Variants in ADAMTS20 observed in about 807,000 individuals in gnomAD.
ADAMTS20 encodes the protein A disintegrin and metalloproteinase with thrombospondin motifs 20.
In ADAMTS20, 225 loss-of-function variants were observed where a neutral mutation model predicts 260.1. That is an observed-to-expected ratio of 0.87 (90% confidence interval 0.78 to 0.97). The LOEUF is 0.97. ADAMTS20 is among the 50% of genes least tolerant of loss of function. The probability of loss-of-function intolerance (pLI) is 0.00; values close to 1 mark genes in which losing one functional copy is unlikely to be tolerated. For synonymous variants in ADAMTS20, 802 were observed against 769.5 expected, an observed-to-expected ratio of 1.04 and a Z score of -0.70; for missense variants, 2,400 against 2,337.7, an observed-to-expected ratio of 1.03 and a Z score of -0.55.
In ADAMTS20 at chr12:43,471,955, C is replaced by T. The variant is rs1942270889; in HGVS notation, c.1118-3250G>A. On this transcript the variant is annotated intron_variant, in intron 7 of 38. Coordinates refer to ENST00000389420, the MANE Select transcript of ADAMTS20 (RefSeq NM_025003.5). ...TCTCCTCCTCCAAAGGAACGCAGTT[C>T]CTCACCAGCAACGGAACAAAGCTGG... is the stretch of plus-strand genomic sequence containing the variant. Among the ~76,000 whole-genome samples the T allele has an allele frequency of 2.0e-5, 3 of 150,272 alleles. No individual in the cohort carries two copies. In the South Asian group the frequency reaches 6.4e-4, roughly 32 times the overall value.
intron 3 of ADAMTS20, among the ~76,000 whole-genome samples, chr12:43,517,694 A>G (rs1022214885): frequency 6.6e-6 from 1 of 152,044 alleles, no homozygotes; most frequent in Non-Finnish European, 1.5e-5. Flanking sequence ...TAAACTCTGT[A>G]TGTAAAATTT....
Position 43,466,427 on chromosome 12 carries a change from C to A in ADAMTS20, c.1367+225G>T, listed in dbSNP as rs138185250. ...AAAAATAATAGCTAGGTCTAAACTACAATAAAAATATTTATTTTAAAGAGT... is the reference window on the plus strand; with the variant it reads ...AAAAATAATAGCTAGGTCTAAACTAAAATAAAAATATTTATTTTAAAGAGT... On this transcript the variant is annotated intron_variant, in intron 9 of 38. Coordinates refer to ENST00000389420, the MANE Select transcript of ADAMTS20 (RefSeq NM_025003.5). 4.9e-4 allele frequency among the ~76,000 whole-genome samples: 74 copies of A among 151,442 alleles called. 2 individuals carry two copies. The highest frequency in any genetic ancestry group is 1.6e-3 in the African/African-American group (68 of 41,336).
intron 3 of ADAMTS20, among the ~76,000 whole-genome samples, chr12:43,507,075 A>G (rs573090037): frequency 6.6e-6 from 1 of 152,252 alleles, no homozygotes; most frequent in African/African-American, 2.4e-5. Flanking sequence ...TATTTAATGG[A>G]AATTTGCTAA....
intron 28 of ADAMTS20, among the ~76,000 whole-genome samples, chr12:43,413,183 A>G (rs1592056013): frequency 6.6e-6 from 1 of 152,186 alleles, no homozygotes; most frequent in South Asian, 2.1e-4. Context: ...GAACAGTCAC[A>G]TCATTTACAC....
At chr12:43,403,527 C>G (rs1468998820) in intron 28 of ADAMTS20, among the ~76,000 whole-genome samples, 1 of 152,060 alleles carries the variant, frequency 6.6e-6, no homozygotes, top group Non-Finnish European at 1.5e-5. Flanking sequence ...GTAACTATTA[C>G]ACTAGTCATG....
intron 7 of ADAMTS20, among the ~76,000 whole-genome samples, chr12:43,485,272 A>G (rs557583430): frequency 6.6e-6 from 1 of 152,260 alleles, no homozygotes; most frequent in South Asian, 2.1e-4. Flanking sequence ...GGTTCAACAT[A>G]AACAAGTCAA....
Position 43,464,580 on chromosome 12 carries a change from T to C in ADAMTS20, c.1509+11A>G. The C allele has an allele frequency of 6.2e-7, 1 of 1,605,306 alleles. No individual in the cohort carries two copies. Among genetic ancestry groups the C allele is most frequent in the Non-Finnish European group, 8.5e-7 (1 of 1,177,474 alleles). On this transcript the variant is annotated intron_variant, in intron 10 of 38. Coordinates refer to ENST00000389420, the MANE Select transcript of ADAMTS20 (RefSeq NM_025003.5). ...GTTTTCGAACAAAATAAAGGAATTTTCTTTTCTTACTATATGGGGACACAT... is the reference window on the plus strand; with the variant it reads ...GTTTTCGAACAAAATAAAGGAATTTCCTTTTCTTACTATATGGGGACACAT...
At chr12:43,443,966 G>A (rs139933650) in intron 15 of ADAMTS20, 83 bp from the exon 16 acceptor site, 21,658 of 1,070,874 alleles carry the variant, frequency 0.02, 317 homozygotes, top group South Asian at 0.051. Context: ...TGAAAAATTC[G>A]AATAGCATAG....
chr12:43,530,933 G>C (rs1373528627), intron 3 of ADAMTS20, among the ~76,000 whole-genome samples: 1 of 151,432 alleles, frequency 6.6e-6, no homozygotes, highest in African/African-American at 2.4e-5. Context: ...CTATAATATT[G>C]ATTTAAAAAT....
intron 9 of ADAMTS20, 26 bp from the exon 10 acceptor site, chr12:43,464,758 A>G: frequency 6.3e-7 from 1 of 1,599,996 alleles, no homozygotes. Flanking sequence ...AAAATAAAAT[A>G]TTGTGAATAC....
Position 43,425,557 on chromosome 12 carries a change from G to A in ADAMTS20, c.4241C>T (p.Ala1414Val). The A allele has an allele frequency of 1.3e-6, 2 of 1,584,814 alleles. No homozygotes were observed. The highest frequency in any genetic ancestry group is 1.7e-6 in the Non-Finnish European group (2 of 1,162,404). ...PPSVIQCHMHACPADVSWHQE... is the reference protein window; with the variant it reads ...PPSVIQCHMHVCPADVSWHQE... ...ATGCCATGACACATCAGCAGGGCAAGCATGCATATGACACTGTATTACGCT... is the reference window on the plus strand; with the variant it reads ...ATGCCATGACACATCAGCAGGGCAAACATGCATATGACACTGTATTACGCT... The change falls in exon 28 of 39, where the codon GCT becomes GTT. Residue 1414 changes from alanine to valine, a missense_variant. Physicochemically the swap from Ala to Val is moderately conservative, Grantham distance 64. Coordinates refer to ENST00000389420, the MANE Select transcript of ADAMTS20 (RefSeq NM_025003.5).
At chr12:43,415,932 T>G (rs1022012332) in intron 28 of ADAMTS20, among the ~76,000 whole-genome samples, 3 of 152,242 alleles carry the variant, frequency 2.0e-5, no homozygotes, top group African/African-American at 4.8e-5. Context: ...GTAATCCTAG[T>G]GCTCTCAGAT....
chr12:43,431,582 AG>A, intron 21 of ADAMTS20, 86 bp from the exon 22 acceptor site: 1 of 1,464,510 alleles, frequency 6.8e-7, no homozygotes, highest in Non-Finnish European at 9.5e-7. Context: ...ATTTGCATAT[AG>A]AAATACAGTT....
chr12:43,551,568 T>C lies in ADAMTS20; in HGVS notation c.91+263A>G, dbSNP rs1943517559. ...TCCTAACCTCCCCGCAGCCCCCAAC[T>C]CGTTCCCTCCGGGTGCAAGCGACCC... On this transcript the variant is annotated intron_variant, in intron 1 of 38. Transcript: ENST00000389420. The surrounding 1 kb of genome is among the most constrained non-coding windows in gnomAD (Gnocchi z 4.6). Among the ~76,000 whole-genome samples, 1 of 151,910 alleles carries C rather than the reference T, an allele frequency of 6.6e-6. No individual in the cohort carries two copies. Among genetic ancestry groups the C allele is most frequent in the African/African-American group, 2.4e-5 (1 of 41,322 alleles).
At chr12:43,458,106 T>C (rs1309839771) in intron 11 of ADAMTS20, among the ~76,000 whole-genome samples, 1 of 152,184 alleles carries the variant, frequency 6.6e-6, no homozygotes, top group Non-Finnish European at 1.5e-5. Flanking sequence ...ACATGAGACA[T>C]CAGTCAATAC....
intron 28 of ADAMTS20, among the ~76,000 whole-genome samples, chr12:43,422,141 C>T (rs1409974882): frequency 6.6e-6 from 1 of 151,880 alleles, no homozygotes; most frequent in Non-Finnish European, 1.5e-5. Flanking sequence ...TTATTTATTC[C>T]TTTTTTTATT....
intron 31 of ADAMTS20, among the ~76,000 whole-genome samples, chr12:43,381,391 G>T (rs1181007016): frequency 6.6e-6 from 1 of 151,960 alleles, no homozygotes; most frequent in Non-Finnish European, 1.5e-5. Context: ...ACTATTAAGA[G>T]AAAAGATAAC....
intron 28 of ADAMTS20, among the ~76,000 whole-genome samples, chr12:43,412,229 T>C (rs1432096617): frequency 1.3e-5 from 2 of 152,228 alleles, no homozygotes; most frequent in African/African-American, 4.8e-5. Context: ...ATTACAAAGC[T>C]TCAAATTGTC....
At chr12:43,480,277 A>G (rs1173460188) in intron 7 of ADAMTS20, among the ~76,000 whole-genome samples, 1 of 152,188 alleles carries the variant, frequency 6.6e-6, no homozygotes, top group African/African-American at 2.4e-5. Context: ...TTCACTCCTG[A>G]AAATATATGC....
Sources: allele counts gnomAD v4.1 joint callset (sites outside exome capture counted in the v4.1 genomes callset), GRCh38; gene constraint gnomAD v4.1.1; non-coding constraint Gnocchi (gnomAD v3.1); transcripts MANE v1.5; gene names NCBI Gene and HGNC (gene_info 2026-07-23, HGNC 2026-07-21).